The following WNT2B variants were observed in gnomAD, a reference collection of about 807,000 sequenced individuals.
WNT2B encodes the protein Wnt family member 2B, also known as protein Wnt-2b.
In WNT2B, 19 loss-of-function variants were observed where a neutral mutation model predicts 40.5. That is an observed-to-expected ratio of 0.47 (90% CI 0.33 to 0.69). WNT2B has a LOEUF of 0.69. Among genes scored for constraint, WNT2B ranks in the 30% least tolerant of loss-of-function variants. WNT2B has a pLI of 0.02. For missense variants in WNT2B, 467 were observed against 556.4 expected (o/e 0.84, Z 1.62); for synonymous variants, 220 against 211.9 (o/e 1.04, Z -0.33).
chr1:112,516,344 T>C lies in WNT2B; in HGVS notation c.608T>C (p.Val203Ala). ...HYGVRFAKAF[V>A]DAKEKRLKDA... Reference sequence around the variant, plus strand: ...GGTGTCCGTTTTGCCAAGGCCTTCGTGGATGCCAAGGAGAAGAGGCTTAAG... The same window carrying C: ...GGTGTCCGTTTTGCCAAGGCCTTCGCGGATGCCAAGGAGAAGAGGCTTAAG... Residue 203 changes from valine to alanine, a missense_variant, in exon 3 of 5, where the codon GTG (valine) becomes GCG (alanine). This residue lies in a region of WNT2B where 330 missense variants were observed against 438.6 expected (regional missense o/e 0.75). Coordinates refer to ENST00000369684, the MANE Select transcript of WNT2B (RefSeq NM_024494.3). 1 of 1,613,894 alleles carries C rather than the reference T, an allele frequency of 6.2e-7. No homozygotes were observed. The highest frequency in any genetic ancestry group is 8.5e-7 in the Non-Finnish European group (1 of 1,179,974).
chr1:112,508,915 G>C (rs1652229059), upstream of WNT2B: 3 of 1,085,278 alleles, frequency 2.8e-6, no homozygotes, highest in Non-Finnish European at 3.4e-6. The surrounding 1 kb of genome is among the most constrained non-coding windows in gnomAD (Gnocchi z 4.2). Context: ...CCCCGGCCTC[G>C]GCCCCGCCCC....
Position 112,520,147 on chromosome 1 carries a change from T to A in WNT2B, c.947-133T>A, listed in dbSNP as rs148028321. On this transcript the variant is annotated intron_variant, in intron 4 of 4. Coordinates refer to ENST00000369684, the MANE Select transcript of WNT2B (RefSeq NM_024494.3). ...TTGGCCTTCCAAAATGCTGGGATGA[T>A]AGGCATGAGTGAGCCACTGTGCCCA... 6.1e-4 allele frequency: 486 copies of A among 799,476 alleles called. No homozygotes were observed. The African/African-American group carries it at 7.1e-3, about 12-fold the overall frequency. The allele number at this position is 799,476 out of a possible 1,614,324, so 49.5% of individuals were successfully genotyped here. A position where few individuals can be genotyped will look rare whatever the true frequency, so the allele number is the denominator to read the frequency against.
chr1:112,509,342 C>T lies in WNT2B; in HGVS notation c.80C>T (p.Pro27Leu). ...AGCGCCCCGGTCCCTGTGCCGTCGC[C>T]CGCGGCCCCCGACGGCTCCCGGGCT... is the stretch of plus-strand genomic sequence containing the variant. ...RASAPVPVPS[P>L]AAPDGSRASA... The change falls in exon 1 of 5, where the codon CCC (proline) becomes CTC (leucine). Residue 27 changes from proline (P) to leucine (L), a missense_variant. Pro to Leu is a moderately conservative substitution (Grantham distance 98). Transcript: ENST00000369684. This position sits in a 1 kb window ranked among gnomAD's most constrained non-coding sequence, Gnocchi z 4.2. 6.3e-7 allele frequency: 1 copy of T among 1,592,446 alleles called. No individual in the cohort carries two copies.
At chr1:112,508,902 T>C, upstream of WNT2B, 1 of 1,055,358 alleles carries the variant, frequency 9.5e-7, no homozygotes, top group Non-Finnish European at 1.1e-6. The surrounding 1 kb of genome is among the most constrained non-coding windows in gnomAD (Gnocchi z 4.2). Context: ...GGGCCGCGCG[T>C]GTCCCCGGCC....
At chr1:112,466,766 G>A (rs1485005512) in exon 1 of WNT2B, 1 of 152,168 alleles carries the variant, frequency 6.6e-6, no homozygotes, top group Non-Finnish European at 1.5e-5. Flanking sequence ...CTTCAGAAAT[G>A]TCTTGCTCTT....
In WNT2B at chr1:112,526,175, G is replaced by A. The variant is rs145426060; in HGVS notation, c.*5666G>A. The A allele has an allele frequency of 2.2e-4, 350 of 1,606,480 alleles. 5 individuals carry two copies. The East Asian group carries it at 7.7e-3, about 36-fold the overall frequency. On this transcript the variant is annotated 3_prime_UTR_variant, in exon 5 of 5. Coordinates refer to ENST00000369684, the MANE Select transcript of WNT2B (RefSeq NM_024494.3). The stretch of plus-strand genomic sequence containing the variant: ...TAGGAGTCCCAGGACAGCCAAGAGA[G>A]TATATCTGAGCACAGTTTACAAAGG...
chr1:112,509,251 C>T lies in WNT2B; in HGVS notation c.-12C>T. 1.3e-6 allele frequency: 2 copies of T among 1,511,896 alleles called. No individual in the cohort carries two copies. Among genetic ancestry groups the T allele is most frequent in the Non-Finnish European group, 1.8e-6 (2 of 1,136,850 alleles). The allele number at this position is 1,511,896 out of a possible 1,614,324, so 93.7% of individuals were successfully genotyped here. A position where few individuals can be genotyped will look rare whatever the true frequency, so the allele number is the denominator to read the frequency against. On this transcript the variant is annotated 5_prime_UTR_variant, in exon 1 of 5. Coordinates refer to ENST00000369684, the MANE Select transcript of WNT2B (RefSeq NM_024494.3). This position sits in a 1 kb window ranked among gnomAD's most constrained non-coding sequence, Gnocchi z 4.2. Reference sequence around the variant, plus strand: ...CCCCTCCGGGCTGCGCGGCGGGAGTCTTCGGGGAGCTATGCTGAGACCGGG... The same window carrying T: ...CCCCTCCGGGCTGCGCGGCGGGAGTTTTCGGGGAGCTATGCTGAGACCGGG...
intron 1 of WNT2B, among the ~76,000 whole-genome samples, chr1:112,493,286 G>GA (rs1354628003): frequency 6.6e-5 from 10 of 152,160 alleles, no homozygotes; most frequent in South Asian, 2.1e-4. Flanking sequence ...TCCAGCTGAG[G>GA]AAAGAGGCTC....
chr1:112,495,688 A>C (rs1651741736), intron 1 of WNT2B, among the ~76,000 whole-genome samples: 1 of 152,278 alleles, frequency 6.6e-6, no homozygotes, highest in Non-Finnish European at 1.5e-5. Context: ...CTGATCAAAC[A>C]ATAAGACCCA....
At chr1:112,488,271 C>G (rs1447056706) in intron 1 of WNT2B, among the ~76,000 whole-genome samples, 1 of 152,002 alleles carries the variant, frequency 6.6e-6, no homozygotes. Context: ...GCATTGCAGC[C>G]TGGGTGACAG....
chr1:112,483,568 AATG>A (rs1430428028), intron 1 of WNT2B, among the ~76,000 whole-genome samples: 1 of 135,118 alleles, frequency 7.4e-6, no homozygotes, highest in African/African-American at 3.2e-5. Flanking sequence ...TGGCCTGGGA[AATG>A]ATTTTTTTTT....
chr1:112,469,843 A>G (rs965256893), intron 1 of WNT2B, among the ~76,000 whole-genome samples: 5 of 151,906 alleles, frequency 3.3e-5, no homozygotes, highest in Non-Finnish European at 7.4e-5. Flanking sequence ...CAAACTCCCA[A>G]CCTCAGGTGA....
At chr1:112,510,581 G>C (rs1652314811) in intron 1 of WNT2B, among the ~76,000 whole-genome samples, 1 of 152,122 alleles carries the variant, frequency 6.6e-6, no homozygotes, top group Admixed American at 6.5e-5. Flanking sequence ...AAGGGTGAGG[G>C]GTAGCTGGCC....
At chr1:112,513,624 C>G (rs2101087166) in intron 1 of WNT2B, among the ~76,000 whole-genome samples, 1 of 152,340 alleles carries the variant, frequency 6.6e-6, no homozygotes, top group East Asian at 1.9e-4. Flanking sequence ...CCCTTCTCCT[C>G]ACCCACTTCT....
At chr1:112,516,468 G>C (rs773559061) in intron 3 of WNT2B, 51 bp downstream of exon 3, 1 of 1,568,510 alleles carries the variant, frequency 6.4e-7, no homozygotes, top group African/African-American at 1.3e-5. Flanking sequence ...GGGGTGACCA[G>C]TGTGTGTGAC....
chr1:112,506,807 G>T (rs561675977), upstream of WNT2B, among the ~76,000 whole-genome samples: 1 of 152,338 alleles, frequency 6.6e-6, no homozygotes, highest in Admixed American at 6.5e-5. Flanking sequence ...TAGCCTGTTG[G>T]CCACAAAGGA....
intron 1 of WNT2B, among the ~76,000 whole-genome samples, chr1:112,513,290 C>T (rs923530424): frequency 3.9e-5 from 6 of 152,174 alleles, no homozygotes; most frequent in Non-Finnish European, 8.8e-5. Flanking sequence ...GCAGCCTTTC[C>T]GGCCTGGCCC....
chr1:112,489,185 CT>C (rs1296209021), intron 1 of WNT2B, among the ~76,000 whole-genome samples: 1 of 151,572 alleles, frequency 6.6e-6, no homozygotes, highest in Non-Finnish European at 1.5e-5. Flanking sequence ...CAGTGCAACA[CT>C]TTGAGGGAAT....
At chr1:112,498,461 C>T (rs1015997969) in intron 1 of WNT2B, among the ~76,000 whole-genome samples, 1 of 151,914 alleles carries the variant, frequency 6.6e-6, no homozygotes, top group African/African-American at 2.4e-5. Flanking sequence ...TCTCAAACAC[C>T]TGACCTCAGG....
Sources: gnomAD v4.1 joint callset for allele counts (sites outside exome capture counted in the v4.1 genomes callset) on GRCh38, gnomAD v4.1.1 for gene constraint, gnomAD v4.1.1 regional missense constraint, Gnocchi (gnomAD v3.1) non-coding constraint, MANE v1.5 for transcripts, NCBI Gene and HGNC (gene_info 2026-07-23, HGNC 2026-07-21) for gene names.